FCGR1A: variants seen among roughly 807,000 people sequenced by gnomAD.
The protein encoded by FCGR1A is high affinity immunoglobulin gamma Fc receptor I.
In FCGR1A, 13 loss-of-function variants were observed where a neutral mutation model predicts 35.0. The ratio of observed to expected loss-of-function variants is 0.37; its 90% CI spans 0.24 to 0.59. The LOEUF (loss-of-function observed/expected upper bound fraction) is 0.59. Among genes scored for constraint, FCGR1A ranks in the 20% least tolerant of loss-of-function variants. The pLI is 0.71. For synonymous variants in FCGR1A, 91 were observed against 164.7 expected (o/e 0.55, Z 3.43); for missense variants, 227 against 430.0 (o/e 0.53, Z 4.17).
intron 3 of FCGR1A, chr1:149,786,427 C>G (rs1391043192): frequency 6.6e-6 from 1 of 152,130 alleles, no homozygotes; most frequent in East Asian, 1.9e-4. Context: ...ATGAACAAGA[C>G]TTGTTAATTT....
chr1:149,793,887 T>G (rs587623488), downstream of FCGR1A: 148 of 1,285,490 alleles, frequency 1.2e-4, 3 homozygotes, highest in South Asian at 1.8e-3. Context: ...ACAGGAAGAG[T>G]TGGGTCCATT....
downstream of FCGR1A, chr1:149,792,803 G>A (rs1405849843): frequency 7.8e-7 from 1 of 1,279,688 alleles, no homozygotes; most frequent in Non-Finnish European, 1.0e-6. Flanking sequence ...TGAGCTGTAG[G>A]AGTCGGTGGG....
chr1:149,789,969 C>T (rs2091660650), intron 4 of FCGR1A, 85 bp from the exon 5 acceptor site: 1 of 1,611,480 alleles, frequency 6.2e-7, no homozygotes, highest in Non-Finnish European at 8.5e-7. Context: ...GGCCAGGTTT[C>T]CCAAGGGGGT....
At chr1:149,788,851 A>G (rs587661758) in intron 4 of FCGR1A, among the ~76,000 whole-genome samples, 2 of 152,220 alleles carry the variant, frequency 1.3e-5, no homozygotes, top group Non-Finnish European at 2.9e-5. Flanking sequence ...CACAGGAGCT[A>G]ATGTCAATGT....
At chr1:149,785,407 CGTTTTT>C (rs1284978792) in intron 3 of FCGR1A, among the ~76,000 whole-genome samples, 5 of 74,544 alleles carry the variant, frequency 6.7e-5, no homozygotes, top group East Asian at 3.3e-4. Flanking sequence ...AGAGCTGTTT[CGTTTTT>C]TTTTTTTTTT....
At chr1:149,796,033 A>T (rs1553752748), downstream of FCGR1A, among the ~76,000 whole-genome samples, 1 of 151,794 alleles carries the variant, frequency 6.6e-6, no homozygotes, top group African/African-American at 2.4e-5. Context: ...TTAGGTACAG[A>T]CTTCTTTGTT....
chr1:149,789,517 G>A lies in FCGR1A; in HGVS notation c.560-537G>A, dbSNP rs4058439. Among the ~76,000 whole-genome samples the A allele has an allele frequency of 7.0e-3, 1,066 of 152,294 alleles. 45 individuals carry two copies. The East Asian group carries it at 0.091, about 13-fold the overall frequency. On this transcript the variant is annotated intron_variant, in intron 4 of 5. Transcript: ENST00000369168. ...GGCATGGTTACTGACCAGATGACAC[G>A]GTCATTCAGGGAAGGATGGACCTTG...
chr1:149,784,301 T>C (rs2091481256), intron 3 of FCGR1A, 44 bp downstream of exon 3: 1 of 1,609,700 alleles, frequency 6.2e-7, no homozygotes. Flanking sequence ...CACAAGGTCT[T>C]CCTCTGCGTT....
downstream of FCGR1A, chr1:149,793,100 C>T (rs1553752352): frequency 5.5e-6 from 7 of 1,274,176 alleles, no homozygotes; most frequent in Admixed American, 2.4e-5. Context: ...CGCCAAGCCC[C>T]GGGGATGCTG....
intron 3 of FCGR1A, 30 bp downstream of exon 3, chr1:149,784,287 A>C (rs1383151747): frequency 5.0e-6 from 8 of 1,609,250 alleles, no homozygotes; most frequent in African/African-American, 2.8e-5. Flanking sequence ...GGAGGGCCGG[A>C]AACCACAAGG....
At chr1:149,793,119 A>G (rs1478004682), downstream of FCGR1A, 39 of 1,273,944 alleles carry the variant, frequency 3.1e-5, no homozygotes, top group Non-Finnish European at 3.9e-5. Flanking sequence ...TGCCGGCCTC[A>G]GGTGCGCCCG....
rs587760613 is a variant in FCGR1A at position 149,791,513 on chromosome 1, C to G, written c.1121C>G (p.Thr374Arg). Residue 374 changes from threonine (T) to arginine (R), a missense_variant, in exon 6 of 6, where the codon ACG becomes AGG. Transcript: ENST00000369168. Reference sequence around the variant, plus strand: ...CACCGGAAGGAGCCCCAGGGGGCCACGTAGCAGCGGCTCAGTGGGTGGCCA... The same window carrying G: ...CACCGGAAGGAGCCCCAGGGGGCCAGGTAGCAGCGGCTCAGTGGGTGGCCA... ...GVHRKEPQGA[T>R] The G allele has an allele frequency of 8.1e-6, 13 of 1,610,324 alleles. No homozygotes were observed. The Middle Eastern group carries it at 6.8e-4, about 84-fold the overall frequency.
chr1:149,800,365 G>T, the FCGR1A span, among the ~76,000 whole-genome samples: 1 of 151,658 alleles, frequency 6.6e-6, no homozygotes, highest in Non-Finnish European at 1.5e-5. Context: ...GGCCATTGGT[G>T]ATCGGCTTAA....
the FCGR1A span, among the ~76,000 whole-genome samples, chr1:149,798,592 A>G: frequency 6.6e-6 from 1 of 151,428 alleles, no homozygotes; most frequent in East Asian, 1.9e-4. Context: ...CTAGTGCCAT[A>G]TATAAATGTA....
chr1:149,784,371 C>A, intron 3 of FCGR1A, 114 bp downstream of exon 3: 2 of 1,602,808 alleles, frequency 1.2e-6, no homozygotes, highest in Non-Finnish European at 1.7e-6. Flanking sequence ...GGTCTCAGCA[C>A]TATGTACCTA....
intron 5 of FCGR1A, among the ~76,000 whole-genome samples, chr1:149,790,581 A>T: frequency 1.3e-4 from 17 of 135,852 alleles, no homozygotes; most frequent in South Asian, 2.5e-4. Context: ...TCTTTCCTTC[A>T]TTTTCTCCTC....
intron 3 of FCGR1A, among the ~76,000 whole-genome samples, chr1:149,784,787 C>T (rs1553750645): frequency 6.6e-6 from 1 of 150,862 alleles, no homozygotes; most frequent in Non-Finnish European, 1.5e-5. Flanking sequence ...CTATATCTTA[C>T]TTTTATCACT....
intron 4 of FCGR1A, 140 bp from the exon 5 acceptor site, chr1:149,789,914 T>G: frequency 6.5e-7 from 1 of 1,544,244 alleles, no homozygotes; most frequent in Admixed American, 1.9e-5. Context: ...AATGGCTCTC[T>G]GCTGGAAGTA....
At chr1:149,792,794 G>A (rs1325400229), downstream of FCGR1A, 4 of 1,279,488 alleles carry the variant, frequency 3.1e-6, no homozygotes, top group East Asian at 5.6e-5. Context: ...AGCGAGAAAT[G>A]AGCTGTAGGA....
Sources: allele counts gnomAD v4.1 joint callset (sites outside exome capture counted in the v4.1 genomes callset), GRCh38; gene constraint gnomAD v4.1.1; transcripts MANE v1.5; gene names NCBI Gene and HGNC (gene_info 2026-07-23, HGNC 2026-07-21).